Variants in STOX2 observed in about 807,000 individuals in gnomAD.
The protein encoded by STOX2 is storkhead-box protein 2.
In STOX2, 28 loss-of-function variants were observed where a neutral mutation model predicts 60.9. The observed-to-expected ratio is 0.46, with a 90% CI of 0.34 to 0.63. The LOEUF (loss-of-function observed/expected upper bound fraction) is 0.63. STOX2 is among the 30% of genes least tolerant of loss of function. The pLI, the probability that STOX2 is intolerant of heterozygous loss-of-function variation, is 0.01. For missense variants in STOX2, 1,024 were observed against 1,187.7 expected (o/e 0.86, Z 2.03); for synonymous variants, 472 against 463.9 (o/e 1.02, Z -0.22).
intron 1 of STOX2, among the ~76,000 whole-genome samples, chr4:183,831,638 T>C (rs1739570206): frequency 6.6e-6 from 1 of 152,180 alleles, no homozygotes; most frequent in Non-Finnish European, 1.5e-5. Flanking sequence ...TCTGCTGTGC[T>C]GTATAATTCT....
chr4:183,864,848 C>T (rs1475771642), intron 1 of STOX2, among the ~76,000 whole-genome samples: 2 of 152,162 alleles, frequency 1.3e-5, no homozygotes, highest in East Asian at 1.9e-4. Context: ...TTCACTTATC[C>T]GTCCCAGCAA....
intron 1 of STOX2, among the ~76,000 whole-genome samples, chr4:183,900,196 AC>A (rs1741433136): frequency 6.6e-6 from 1 of 152,182 alleles, no homozygotes; most frequent in Non-Finnish European, 1.5e-5. Context: ...TACTTCAGTG[AC>A]AGTGATCACT....
chr4:183,935,383 G>C (rs778323161), intron 1 of STOX2, among the ~76,000 whole-genome samples: 25 of 152,232 alleles, frequency 1.6e-4, no homozygotes, highest in Admixed American at 1.3e-4. Flanking sequence ...ATCGTATTTA[G>C]GTTTGTCTTT....
chr4:183,874,798 C>A (rs1290326758), intron 1 of STOX2, among the ~76,000 whole-genome samples: 3 of 150,116 alleles, frequency 2.0e-5, no homozygotes, highest in Non-Finnish European at 4.5e-5. Flanking sequence ...AGCTGGCAGG[C>A]GCCTGTAGTC....
intron 1 of STOX2, among the ~76,000 whole-genome samples, chr4:183,916,059 G>A (rs934948276): frequency 6.6e-6 from 1 of 152,266 alleles, no homozygotes; most frequent in African/African-American, 2.4e-5. Context: ...AGAGACCTGG[G>A]TTCCACCCAG....
At chr4:183,805,182 A>T (rs1210829959) in intron 1 of STOX2, among the ~76,000 whole-genome samples, 2 of 152,234 alleles carry the variant, frequency 1.3e-5, no homozygotes, top group African/African-American at 4.8e-5. Context: ...TGATCTGGTC[A>T]CCTTAAAAAT....
intron 1 of STOX2, among the ~76,000 whole-genome samples, chr4:183,882,473 C>T (rs1039336030): frequency 1.3e-5 from 2 of 152,216 alleles, no homozygotes; most frequent in African/African-American, 4.8e-5. Flanking sequence ...ATTCAATTAA[C>T]TTCTATCACT....
chr4:183,932,461 C>T (rs1416136310), intron 1 of STOX2, among the ~76,000 whole-genome samples: 3 of 103,064 alleles, frequency 2.9e-5, no homozygotes, highest in South Asian at 7.1e-4. Context: ...TGTATACATA[C>T]AGTATATGTA....
At chr4:183,844,064 C>G (rs1739930874) in intron 1 of STOX2, among the ~76,000 whole-genome samples, 1 of 152,102 alleles carries the variant, frequency 6.6e-6, no homozygotes, top group African/African-American at 2.4e-5. Context: ...TAAAAGCAAT[C>G]TAATAATTGT....
chr4:183,967,321 G>A (rs1311864031), intron 1 of STOX2, among the ~76,000 whole-genome samples: 1 of 151,144 alleles, frequency 6.6e-6, no homozygotes, highest in East Asian at 1.9e-4. Flanking sequence ...AGCCGAGATT[G>A]TGCCATTGCA....
chr4:183,858,592 GAGAA>G (rs940754647), intron 1 of STOX2, among the ~76,000 whole-genome samples: 4 of 151,436 alleles, frequency 2.6e-5, no homozygotes, highest in Admixed American at 6.6e-5. Context: ...TAGAGAAAAA[GAGAA>G]AGAAGGAAGG....
At chr4:183,822,700 G>C (rs1240285391) in intron 1 of STOX2, among the ~76,000 whole-genome samples, 1 of 152,240 alleles carries the variant, frequency 6.6e-6, no homozygotes, top group Non-Finnish European at 1.5e-5. Flanking sequence ...AAGCTTCCCT[G>C]GCTCGCCTGC....
At chr4:183,869,931 C>T (rs75228136) in intron 1 of STOX2, among the ~76,000 whole-genome samples, 1 of 152,120 alleles carries the variant, frequency 6.6e-6, no homozygotes, top group East Asian at 1.9e-4. Flanking sequence ...AAGGAATGGG[C>T]GGGACCAAGG....
chr4:183,838,203 A>G (rs1488193166), intron 1 of STOX2, among the ~76,000 whole-genome samples: 1 of 150,472 alleles, frequency 6.6e-6, no homozygotes, highest in Non-Finnish European at 1.5e-5. Flanking sequence ...AAATAATTCA[A>G]TACATATATT....
chr4:184,010,991 A>G lies in STOX2; in HGVS notation c.2153A>G (p.Lys718Arg), dbSNP rs768170814. ...ACCTTGTCTGTAAACAGCTATCACAAGTCGAGCCTGTCCCTCCTCAAATCT... is the reference window on the plus strand; with the variant it reads ...ACCTTGTCTGTAAACAGCTATCACAGGTCGAGCCTGTCCCTCCTCAAATCT... ...HSTLSVNSYH[K>R]SSLSLLKSHP... The change falls in exon 3 of 4, where the codon AAG (lysine) becomes AGG (arginine). Residue 718 changes from lysine to arginine, a missense_variant. Lys to Arg is a conservative substitution (Grantham distance 26). Around this residue, in one of 3 missense-constraint regions of STOX2, gnomAD observed 922 missense variants for 1,058.3 expected, o/e 0.87. Transcript: ENST00000308497. The surrounding 1 kb of genome is among the most constrained non-coding windows in gnomAD (Gnocchi z 4.5). 6 of 1,613,340 alleles carry G rather than the reference A, an allele frequency of 3.7e-6. No individual in the cohort carries two copies. Among genetic ancestry groups the G allele is most frequent in the South Asian group, 1.1e-5 (1 of 90,904 alleles).
chr4:183,875,702 G>A (rs751900356), intron 1 of STOX2, among the ~76,000 whole-genome samples: 17 of 152,178 alleles, frequency 1.1e-4, no homozygotes, highest in Non-Finnish European at 2.1e-4. Flanking sequence ...GATGAGCTCC[G>A]CTCGTTTTAG....
upstream of STOX2, among the ~76,000 whole-genome samples, chr4:183,904,660 G>A (rs1560873336): frequency 6.6e-6 from 1 of 152,218 alleles, no homozygotes; most frequent in Non-Finnish European, 1.5e-5. Flanking sequence ...ATCCCAAGAG[G>A]TAGTACAGTG....
At chr4:184,014,997 T>C (rs748863708) in intron 3 of STOX2, 1 of 152,220 alleles carries the variant, frequency 6.6e-6, no homozygotes, top group Non-Finnish European at 1.5e-5. Context: ...ATACATGGAT[T>C]CTGAAGCGAA....
intron 1 of STOX2, among the ~76,000 whole-genome samples, chr4:183,938,052 G>A (rs1461949012): frequency 6.6e-6 from 1 of 152,126 alleles, no homozygotes; most frequent in Non-Finnish European, 1.5e-5. Context: ...GGGAGGCTGT[G>A]GTGGGAGGAT....
Sources: allele counts gnomAD v4.1 joint callset (sites outside exome capture counted in the v4.1 genomes callset), GRCh38; gene constraint gnomAD v4.1.1; regional missense constraint gnomAD v4.1.1; non-coding constraint Gnocchi (gnomAD v3.1); transcripts MANE v1.5; gene names NCBI Gene and HGNC (gene_info 2026-07-23, HGNC 2026-07-21).